SOBP: variants seen among roughly 807,000 people sequenced by gnomAD.
The protein encoded by SOBP is sine oculis binding protein homolog, also known as sine oculis-binding protein homolog.
SOBP carries 4 observed loss-of-function variants against 53.6 expected under a neutral mutation model. The observed-to-expected ratio is 0.07, with a 90% CI of 0.04 to 0.17. SOBP has a LOEUF of 0.17. SOBP is among the 10% of genes least tolerant of loss of function. SOBP has a pLI of 1.00. For missense variants in SOBP, 1,088 were observed against 1,204.7 expected (o/e 0.90, Z 1.43); for synonymous variants, 584 against 522.6 (o/e 1.12, Z -1.60).
intron 5 of SOBP, among the ~76,000 whole-genome samples, chr6:107,627,676 T>C (rs1770523767): frequency 1.3e-5 from 2 of 152,120 alleles, no homozygotes; most frequent in East Asian, 3.9e-4. Flanking sequence ...TAAAAAGAAC[T>C]ATGTAGCAAA....
At chr6:107,618,123 G>A (rs1045532930) in intron 5 of SOBP, among the ~76,000 whole-genome samples, 2 of 152,048 alleles carry the variant, frequency 1.3e-5, no homozygotes, top group Admixed American at 6.5e-5. Context: ...GCCACCGTGC[G>A]CGGCCCGTAT....
At chr6:107,558,734 G>A (rs1434682164) in intron 4 of SOBP, among the ~76,000 whole-genome samples, 1 of 151,430 alleles carries the variant, frequency 6.6e-6, no homozygotes, top group Non-Finnish European at 1.5e-5. Flanking sequence ...AATACCATGG[G>A]TAGCATTTTA....
At chr6:107,551,097 T>G (rs184164933) in intron 4 of SOBP, among the ~76,000 whole-genome samples, 2 of 152,140 alleles carry the variant, frequency 1.3e-5, no homozygotes, top group Admixed American at 6.5e-5. Context: ...GGTAGAAAAC[T>G]TCTCCAACAT....
intron 5 of SOBP, among the ~76,000 whole-genome samples, chr6:107,623,483 G>A (rs1009013803): frequency 1.3e-5 from 2 of 152,020 alleles, no homozygotes; most frequent in African/African-American, 4.8e-5. Context: ...CAAAGAGTAG[G>A]GAATACCATA....
intron 5 of SOBP, among the ~76,000 whole-genome samples, chr6:107,624,575 A>G (rs907918667): frequency 5.3e-5 from 8 of 152,204 alleles, no homozygotes; most frequent in African/African-American, 1.4e-4. Flanking sequence ...CTAATAATCA[A>G]TGCTGGTTGA....
intron 6 of SOBP, among the ~76,000 whole-genome samples, chr6:107,655,027 A>G (rs1439942501): frequency 6.6e-6 from 1 of 152,018 alleles, no homozygotes; most frequent in East Asian, 1.9e-4. Flanking sequence ...CCAAGGTCAC[A>G]TAGCCAGTCA....
intron 5 of SOBP, among the ~76,000 whole-genome samples, chr6:107,588,141 C>T (rs111267589): frequency 1.3e-5 from 2 of 152,056 alleles, no homozygotes; most frequent in African/African-American, 2.4e-5. Context: ...GTTTTTTGGC[C>T]GACCAGCTCT....
chr6:107,555,842 T>C (rs1456264078), intron 4 of SOBP, among the ~76,000 whole-genome samples: 1 of 152,220 alleles, frequency 6.6e-6, no homozygotes, highest in East Asian at 1.9e-4. Flanking sequence ...ATTGTCTTCT[T>C]ACCAAGAAAG....
intron 6 of SOBP, among the ~76,000 whole-genome samples, chr6:107,636,553 C>A (rs564457561): frequency 3.3e-5 from 5 of 152,190 alleles, no homozygotes; most frequent in Non-Finnish European, 7.3e-5. Context: ...CCAAGCTCTC[C>A]CGTCTATCCA....
chr6:107,492,770 C>T (rs933637710), intron 1 of SOBP, among the ~76,000 whole-genome samples: 5 of 152,142 alleles, frequency 3.3e-5, no homozygotes, highest in African/African-American at 1.2e-4. Flanking sequence ...AAGTTTTAAT[C>T]CTCACCCTTT....
chr6:107,608,711 G>C (rs1177523921), intron 5 of SOBP, among the ~76,000 whole-genome samples: 1 of 152,212 alleles, frequency 6.6e-6, no homozygotes, highest in Non-Finnish European at 1.5e-5. Flanking sequence ...CTACGTGCAA[G>C]GTCCTCACGA....
At position 107,634,550 on chromosome 6, in the gene SOBP, A is replaced by C; in HGVS notation, c.1706A>C (p.Asp569Ala). Reference protein sequence around the residue: ...GENFIPNAPGDSAAAGGKPSG... With the variant: ...GENFIPNAPGASAAAGGKPSG... The stretch of plus-strand genomic sequence containing the variant: ...AACTTCATTCCGAACGCCCCTGGCG[A>C]CTCCGCGGCGGCGGGCGGCAAGCCA... Residue 569 changes from aspartate to alanine, a missense_variant, in exon 6 of 7, where the codon GAC becomes GCC. This residue lies in a region of SOBP where 665 missense variants were observed against 629.7 expected (regional missense o/e 1.06). Transcript: ENST00000317357. The surrounding 1 kb of genome is among the most constrained non-coding windows in gnomAD (Gnocchi z 4.5). 6.2e-7 allele frequency: 1 copy of C among 1,607,894 alleles called. No individual in the cohort carries two copies. The highest frequency in any genetic ancestry group is 8.5e-7 in the Non-Finnish European group (1 of 1,179,660).
chr6:107,557,733 CATT>C (rs972055583), intron 4 of SOBP: 15 of 152,220 alleles, frequency 9.9e-5, no homozygotes, highest in African/African-American at 3.1e-4. Context: ...CTGTCACCAT[CATT>C]ATTCTAAAAT....
At chr6:107,555,557 C>A (rs1698034887) in intron 4 of SOBP, among the ~76,000 whole-genome samples, 1 of 152,248 alleles carries the variant, frequency 6.6e-6, no homozygotes, top group African/African-American at 2.4e-5. Context: ...CTCCAACAAT[C>A]AGAGGCCCAG....
intron 3 of SOBP, 118 bp from the exon 4 acceptor site, chr6:107,533,341 T>C (rs79981729): frequency 0.018 from 15,223 of 837,030 alleles, 306 homozygotes; most frequent in East Asian, 0.084. Flanking sequence ...AAGCACTTCT[T>C]CTCCAAGGTC....
intron 4 of SOBP, among the ~76,000 whole-genome samples, chr6:107,551,069 G>GTGC (rs996491934): frequency 6.6e-6 from 1 of 152,200 alleles, no homozygotes; most frequent in African/African-American, 2.4e-5. Context: ...TTCCTGAACT[G>GTGC]TGCAACCTTA....
chr6:107,549,691 T>C (rs1284869982), intron 4 of SOBP, among the ~76,000 whole-genome samples: 1 of 152,190 alleles, frequency 6.6e-6, no homozygotes, highest in Non-Finnish European at 1.5e-5. Flanking sequence ...TTTATGATCA[T>C]ATAATTCAGC....
intron 4 of SOBP, among the ~76,000 whole-genome samples, chr6:107,567,528 T>C (rs1426594240): frequency 6.6e-6 from 1 of 152,222 alleles, no homozygotes; most frequent in East Asian, 1.9e-4. Context: ...CTCATGTGTG[T>C]CTTTCCCATA....
chr6:107,635,855 G>T lies in SOBP; in HGVS notation c.*3+386G>T, dbSNP rs1583298250. ...GGGGAGGGAGAAGAGATTAACTTGG[G>T]ACACCTAAATGTGTGATCATGAGGT... On this transcript the variant is annotated intron_variant, in intron 6 of 6. Transcript: ENST00000317357. The surrounding 1 kb of genome is among the most constrained non-coding windows in gnomAD (Gnocchi z 4.5). 6.6e-6 allele frequency among the ~76,000 whole-genome samples: 1 copy of T among 152,172 alleles called. No homozygotes were observed. The highest frequency in any genetic ancestry group is 2.4e-5 in the African/African-American group (1 of 41,430).
Sources: allele counts gnomAD v4.1 joint callset (sites outside exome capture counted in the v4.1 genomes callset), GRCh38; gene constraint gnomAD v4.1.1; regional missense constraint gnomAD v4.1.1; non-coding constraint Gnocchi (gnomAD v3.1); transcripts MANE v1.5; gene names NCBI Gene and HGNC (gene_info 2026-07-23, HGNC 2026-07-21).